The following ATP2B2 variants were observed in gnomAD, a reference collection of about 807,000 sequenced individuals.
The protein encoded by ATP2B2 is plasma membrane calcium-transporting ATPase 2.
In ATP2B2, 15 loss-of-function variants were observed where a neutral mutation model predicts 120.0. That is an observed-to-expected ratio of 0.12 (90% confidence interval 0.08 to 0.19). The LOEUF (loss-of-function observed/expected upper bound fraction) is 0.19, where lower values mean the gene tolerates loss of function less well. ATP2B2 is among the 10% of genes least tolerant of loss of function. The pLI is 1.00. For synonymous variants in ATP2B2, 694 were observed against 700.3 expected (o/e 0.99, Z 0.14); for missense variants, 1,045 against 1,719.8 (o/e 0.61, Z 6.94).
rs2062583149 is a variant in ATP2B2 at position 10,410,724 on chromosome 3, C to T, written c.291G>A (p.Gln97=). 5 of 1,614,118 alleles carry T rather than the reference C, an allele frequency of 3.1e-6. No individual in the cohort carries two copies. The highest frequency in any genetic ancestry group is 4.2e-6 in the Non-Finnish European group (5 of 1,180,048). ...IPPKKPKTFL[Q]LVWEALQDVT... ...CGTCCTGCAGCGCCTCCCACACGAG[C>T]TGCAGGAAGGTTTTTGGCTTCTTTG... is the stretch of plus-strand genomic sequence containing the variant. Residue 97 remains glutamine (Q), a synonymous_variant, in exon 3 of 23, where the codon CAG becomes CAA. Transcript: ENST00000360273.
chr3:10,439,738 G>A (rs746887534), intron 2 of ATP2B2, among the ~76,000 whole-genome samples: 2 of 151,844 alleles, frequency 1.3e-5, no homozygotes, highest in African/African-American at 2.4e-5. Context: ...GTATCAGGCC[G>A]GGCACAGTGG....
chr3:10,513,413 G>A (rs1336870121), intron 3 of ATP2B2, among the ~76,000 whole-genome samples: 2 of 152,196 alleles, frequency 1.3e-5, no homozygotes, highest in African/African-American at 2.4e-5. Context: ...GGCAGTGGGG[G>A]CCCCTGTGGA....
chr3:10,452,560 C>T (rs2125196087), intron 1 of ATP2B2, among the ~76,000 whole-genome samples: 1 of 152,250 alleles, frequency 6.6e-6, no homozygotes, highest in South Asian at 2.1e-4. Flanking sequence ...ATCCAAATGG[C>T]AGGAGTAAGA....
At chr3:10,383,245 C>A (rs1243356584) in intron 8 of ATP2B2, among the ~76,000 whole-genome samples, 1 of 152,034 alleles carries the variant, frequency 6.6e-6, no homozygotes, top group East Asian at 1.9e-4. Context: ...TGGCTTAGAG[C>A]ATTATTTCCC....
Position 10,388,332 on chromosome 3 carries a change from G to C in ATP2B2, c.852C>G (p.Ile284Met). The change falls in exon 6 of 23, where the codon ATC becomes ATG. Residue 284 changes from isoleucine (I) to methionine (M), a missense_variant. By Grantham distance (10) the Ile-to-Met change is conservative. Around this residue, in one of 11 missense-constraint regions of ATP2B2, gnomAD observed 145 missense variants for 202.0 expected, o/e 0.72. Coordinates refer to ENST00000360273, the MANE Select transcript of ATP2B2 (RefSeq NM_001001331.4). ...TAVGVNSQTG[I>M]IFTLLGAGGE... is the part of the protein sequence containing the mutation. ...CACCAGCCCCCAGGAGGGTAAAGAT[G>C]ATGCCAGTCTGAGAGTTCACACCCA... 6.2e-7 allele frequency: 1 copy of C among 1,614,170 alleles called. No homozygotes were observed. Among genetic ancestry groups the C allele is most frequent in the Non-Finnish European group, 8.5e-7 (1 of 1,180,030 alleles).
chr3:10,654,860 G>A (rs957817372), intron 1 of ATP2B2, among the ~76,000 whole-genome samples: 6 of 151,546 alleles, frequency 4.0e-5, no homozygotes, highest in Non-Finnish European at 2.9e-5. Flanking sequence ...TTTTCACAAC[G>A]CCCAAGAGAT....
At chr3:10,499,459 T>C (rs1467105340) in intron 1 of ATP2B2, among the ~76,000 whole-genome samples, 2 of 152,172 alleles carry the variant, frequency 1.3e-5, no homozygotes, top group Non-Finnish European at 2.9e-5. Flanking sequence ...TCCCACGCAT[T>C]ACATGGGAAA....
intron 2 of ATP2B2, among the ~76,000 whole-genome samples, chr3:10,598,561 C>T (rs937170366): frequency 6.6e-6 from 1 of 152,188 alleles, no homozygotes; most frequent in African/African-American, 2.4e-5. Flanking sequence ...CCTGAGGCTA[C>T]AGGGATTTAA....
chr3:10,633,233 G>A (rs541879823), intron 1 of ATP2B2, among the ~76,000 whole-genome samples: 1 of 152,268 alleles, frequency 6.6e-6, no homozygotes, highest in South Asian at 2.1e-4. Flanking sequence ...AATCGCTGTG[G>A]GGGTTAAATG....
At chr3:10,334,252 T>G (rs2060057586) in intron 22 of ATP2B2, among the ~76,000 whole-genome samples, 3 of 152,176 alleles carry the variant, frequency 2.0e-5, no homozygotes, top group Admixed American at 2.0e-4. Context: ...GAACTGGGCC[T>G]TCACCCAGAA....
At chr3:10,467,688 C>G (rs1334141298) in intron 1 of ATP2B2, among the ~76,000 whole-genome samples, 1 of 152,206 alleles carries the variant, frequency 6.6e-6, no homozygotes, top group East Asian at 1.9e-4. Flanking sequence ...CTGCTGTGTA[C>G]CGAGCCCCAG....
chr3:10,612,440 G>A (rs2069266634), intron 2 of ATP2B2, among the ~76,000 whole-genome samples: 1 of 152,060 alleles, frequency 6.6e-6, no homozygotes, highest in South Asian at 2.1e-4. Context: ...CTTGCCTGGG[G>A]ACCCCTGCGT....
At chr3:10,549,376 G>C (rs2067618938) in intron 2 of ATP2B2, among the ~76,000 whole-genome samples, 1 of 152,088 alleles carries the variant, frequency 6.6e-6, no homozygotes, top group Non-Finnish European at 1.5e-5. Flanking sequence ...GGCTTGGCAG[G>C]GAGCACAGGG....
intron 2 of ATP2B2, among the ~76,000 whole-genome samples, chr3:10,425,586 C>T (rs1010341296): frequency 1.8e-4 from 27 of 152,144 alleles, no homozygotes; most frequent in African/African-American, 5.6e-4. Context: ...GAGTGTGACG[C>T]GCCGGGCACA....
intron 8 of ATP2B2, among the ~76,000 whole-genome samples, chr3:10,382,439 T>G (rs113692180): frequency 6.6e-6 from 1 of 151,818 alleles, no homozygotes; most frequent in Non-Finnish European, 1.5e-5. Flanking sequence ...CTCCACTTCC[T>G]GGGTTCAAGC....
chr3:10,634,478 CA>C (rs1430942472), intron 1 of ATP2B2, among the ~76,000 whole-genome samples: 1 of 152,252 alleles, frequency 6.6e-6, no homozygotes, highest in African/African-American at 2.4e-5. Context: ...TGGCCTCTCA[CA>C]GATGCCCCAA....
intron 3 of ATP2B2, among the ~76,000 whole-genome samples, chr3:10,512,880 G>A (rs1047528211): frequency 2.0e-5 from 3 of 152,210 alleles, no homozygotes; most frequent in African/African-American, 7.2e-5. Flanking sequence ...TTACCGTGAT[G>A]GGCTGTGTGA....
chr3:10,562,511 G>A (rs1306634255), intron 2 of ATP2B2, among the ~76,000 whole-genome samples: 1 of 152,082 alleles, frequency 6.6e-6, no homozygotes, highest in Admixed American at 6.5e-5. Flanking sequence ...AGACTCAGTG[G>A]GCAACAGCAG....
intron 1 of ATP2B2, among the ~76,000 whole-genome samples, chr3:10,634,779 C>G (rs776100221): frequency 6.6e-6 from 1 of 152,184 alleles, no homozygotes; most frequent in Non-Finnish European, 1.5e-5. Context: ...GACCTTTACT[C>G]CCCTAAAGGA....
Sources: gnomAD v4.1 joint callset for allele counts (sites outside exome capture counted in the v4.1 genomes callset) on GRCh38, gnomAD v4.1.1 for gene constraint, gnomAD v4.1.1 regional missense constraint, MANE v1.5 for transcripts, NCBI Gene and HGNC (gene_info 2026-07-23, HGNC 2026-07-21) for gene names.